TWIST2: variants seen among roughly 807,000 people sequenced by gnomAD.
TWIST2 encodes twist-related protein 2.
In TWIST2, 1 loss-of-function variant was observed where a neutral mutation model predicts 11.6. That is an observed-to-expected ratio of 0.09 (90% confidence interval 0.03 to 0.41). TWIST2 has a LOEUF of 0.41. TWIST2 is among the 10% of genes least tolerant of loss of function. TWIST2 has a pLI of 0.98. For missense variants in TWIST2, 168 were observed against 226.4 expected, an observed-to-expected ratio of 0.74 and a Z score of 1.66; for synonymous variants, 87 against 96.6, an observed-to-expected ratio of 0.90 and a Z score of 0.58.
intron 1 of TWIST2, among the ~76,000 whole-genome samples, chr2:238,885,046 G>A (rs1043325660): frequency 3.9e-5 from 6 of 152,212 alleles, no homozygotes; most frequent in African/African-American, 1.4e-4. Context: ...GCGGGTGGGG[G>A]TCAGCCCTGG....
At chr2:238,871,645 A>C (rs1692705189) in intron 1 of TWIST2, among the ~76,000 whole-genome samples, 3 of 78,442 alleles carry the variant, frequency 3.8e-5, no homozygotes, top group Non-Finnish European at 5.2e-5. Context: ...CCCCACACAC[A>C]AACACCCCCC....
intron 1 of TWIST2, among the ~76,000 whole-genome samples, chr2:238,909,459 G>T (rs908486418): frequency 6.6e-6 from 1 of 152,154 alleles, no homozygotes; most frequent in Admixed American, 6.5e-5. Flanking sequence ...GGGCCAACGT[G>T]CCGAGCCTCT....
At chr2:238,873,244 G>A (rs1318700500) in intron 1 of TWIST2, among the ~76,000 whole-genome samples, 1 of 152,132 alleles carries the variant, frequency 6.6e-6, no homozygotes, top group African/African-American at 2.4e-5. Context: ...TAGAGACCGG[G>A]ATGTGGCGGG....
chr2:238,879,703 G>A (rs977057032), intron 1 of TWIST2, among the ~76,000 whole-genome samples: 6 of 152,242 alleles, frequency 3.9e-5, no homozygotes, highest in African/African-American at 1.4e-4. Context: ...ACCAGCTGTT[G>A]AGTTGTGGAC....
At position 238,867,724 on chromosome 2, in the gene TWIST2, A is replaced by G. The variant is rs1437866935; in HGVS notation, c.*35+18991A>G. 6.6e-6 allele frequency among the ~76,000 whole-genome samples: 1 copy of G among 152,178 alleles called. No individual in the cohort carries two copies. Among genetic ancestry groups the G allele is most frequent in the Non-Finnish European group, 1.5e-5 (1 of 68,044 alleles). The stretch of plus-strand genomic sequence containing the variant: ...AACCCTTAGGTATTGAGTGCCCTGA[A>G]ACTAGAAACTGAAAAGGCAGTCACA... On this transcript the variant is annotated intron_variant, in intron 1 of 1. Transcript: ENST00000612363. The surrounding 1 kb of genome is among the most constrained non-coding windows in gnomAD (Gnocchi z 4.8).
chr2:238,870,575 C>CA (rs1692660130), intron 1 of TWIST2, among the ~76,000 whole-genome samples: 1 of 78,604 alleles, frequency 1.3e-5, no homozygotes. Context: ...ACACCACACA[C>CA]CACACACACA....
chr2:238,879,587 G>A (rs572727727), intron 1 of TWIST2, among the ~76,000 whole-genome samples: 1 of 152,266 alleles, frequency 6.6e-6, no homozygotes, highest in East Asian at 1.9e-4. Flanking sequence ...GACATGCCCA[G>A]CTAGGAAGGC....
At chr2:238,884,706 G>A (rs895382622) in intron 1 of TWIST2, among the ~76,000 whole-genome samples, 1 of 152,188 alleles carries the variant, frequency 6.6e-6, no homozygotes, top group African/African-American at 2.4e-5. Flanking sequence ...GGCTGCTGCT[G>A]TCCCACGGTC....
intron 1 of TWIST2, among the ~76,000 whole-genome samples, chr2:238,906,947 C>A (rs1693363920): frequency 2.6e-5 from 4 of 152,240 alleles, no homozygotes; most frequent in African/African-American, 9.6e-5. Context: ...CCCGCGAGCT[C>A]TGCAGGTCAA....
chr2:238,855,846 A>G (rs1343843599), intron 1 of TWIST2, among the ~76,000 whole-genome samples: 2 of 152,162 alleles, frequency 1.3e-5, no homozygotes, highest in South Asian at 4.2e-4. Flanking sequence ...CGTGCGGCCC[A>G]TAGATGTGTG....
chr2:238,868,001 G>A (rs938404887), intron 1 of TWIST2, among the ~76,000 whole-genome samples: 2 of 152,196 alleles, frequency 1.3e-5, no homozygotes, highest in African/African-American at 2.4e-5. Flanking sequence ...AACGTGGAAC[G>A]AAAGAAAGAT....
chr2:238,893,807 T>C lies in TWIST2; in HGVS notation c.*36-16035T>C, dbSNP rs1031283164. Among the ~76,000 whole-genome samples the C allele has an allele frequency of 1.6e-3, 241 of 152,330 alleles. 1 individual carries two copies. Among genetic ancestry groups the C allele is most frequent in the African/African-American group, 5.6e-3 (231 of 41,576 alleles). Reference sequence around the variant, plus strand: ...AGACCATTCCCAAGGAGCGCCGACCTCCTGGCCTCCGCGGCAGCCTGCACC... The same window carrying C: ...AGACCATTCCCAAGGAGCGCCGACCCCCTGGCCTCCGCGGCAGCCTGCACC... On this transcript the variant is annotated intron_variant, in intron 1 of 1. Transcript: ENST00000612363.
At chr2:238,872,216 C>T (rs1002823049) in intron 1 of TWIST2, among the ~76,000 whole-genome samples, 1 of 152,188 alleles carries the variant, frequency 6.6e-6, no homozygotes, top group South Asian at 2.1e-4. Flanking sequence ...CACTTTATGC[C>T]CTCAGACTTG....
At chr2:238,883,503 G>C (rs1328400921) in intron 1 of TWIST2, among the ~76,000 whole-genome samples, 2 of 152,248 alleles carry the variant, frequency 1.3e-5, no homozygotes, top group Non-Finnish European at 2.9e-5. Context: ...AGAAGGGACG[G>C]GAGATGCCAG....
chr2:238,850,182 T>C (rs1451477512), intron 1 of TWIST2, among the ~76,000 whole-genome samples: 2 of 152,232 alleles, frequency 1.3e-5, no homozygotes, highest in Non-Finnish European at 2.9e-5. Flanking sequence ...TAATGATAAT[T>C]GTATAGTTTT....
intron 1 of TWIST2, among the ~76,000 whole-genome samples, chr2:238,855,066 CTTT>C (rs1423727585): frequency 1.3e-5 from 2 of 152,218 alleles, no homozygotes; most frequent in African/African-American, 2.4e-5. Flanking sequence ...ACAACTCAGA[CTTT>C]TAGCTCGGCG....
At chr2:238,905,460 T>C (rs907622966) in intron 1 of TWIST2, among the ~76,000 whole-genome samples, 36 of 152,040 alleles carry the variant, frequency 2.4e-4, no homozygotes, top group African/African-American at 8.2e-4. Flanking sequence ...CAGGGTGACA[T>C]CAAGGGGGCC....
At chr2:238,883,320 C>T (rs1692971681) in intron 1 of TWIST2, among the ~76,000 whole-genome samples, 1 of 152,186 alleles carries the variant, frequency 6.6e-6, no homozygotes, top group Admixed American at 6.5e-5. Context: ...CCAGCCAGGG[C>T]CCCACAGGGC....
intron 1 of TWIST2, among the ~76,000 whole-genome samples, chr2:238,887,827 T>C (rs1693068965): frequency 6.6e-6 from 1 of 152,220 alleles, no homozygotes; most frequent in South Asian, 2.1e-4. Context: ...CCAACCTGAA[T>C]GAGCAAGAAG....
Sources: allele counts gnomAD v4.1 joint callset (sites outside exome capture counted in the v4.1 genomes callset), GRCh38; gene constraint gnomAD v4.1.1; non-coding constraint Gnocchi (gnomAD v3.1); transcripts MANE v1.5; gene names NCBI Gene and HGNC (gene_info 2026-07-23, HGNC 2026-07-21).